The following PTPN3 variants were observed in gnomAD, a reference collection of about 807,000 sequenced individuals.
PTPN3 encodes the protein tyrosine-protein phosphatase non-receptor type 3.
A neutral mutation model predicts 132.7 loss-of-function variants in PTPN3; 96 were observed. That is an observed-to-expected ratio of 0.72 (90% CI 0.61 to 0.86). The LOEUF is 0.86. Ranked by LOEUF, PTPN3 falls within the 40% of genes least tolerant of loss-of-function variation. The pLI is 0.00. For synonymous variants in PTPN3, 398 were observed against 429.0 expected, an observed-to-expected ratio of 0.93 and a Z score of 0.89; for missense variants, 1,125 against 1,159.6, an observed-to-expected ratio of 0.97 and a Z score of 0.43.
At chr9:109,497,683 G>A (rs1208852669) in intron 1 of PTPN3, among the ~76,000 whole-genome samples, 3 of 152,152 alleles carry the variant, frequency 2.0e-5, no homozygotes, top group Non-Finnish European at 4.4e-5. Context: ...ATTCCATATC[G>A]TCCGCGGAAC....
At position 109,383,306 on chromosome 9, in the gene PTPN3, C is replaced by T. The variant is rs1839272302; in HGVS notation, c.2382+117G>A. The T allele has an allele frequency of 7.7e-6, 12 of 1,564,026 alleles. No homozygotes were observed. The East Asian group carries it at 2.2e-4, about 29-fold the overall frequency. On this transcript the variant is annotated intron_variant, in intron 23 of 25. Transcript: ENST00000374541. ...TTTGATGGGCAGTCTTGCGCACTTA[C>T]TGACACGCTTGCCAGGTGCAAACAG...
At chr9:109,501,610 A>G (rs1847865371), upstream of PTPN3, among the ~76,000 whole-genome samples, 2 of 152,194 alleles carry the variant, frequency 1.3e-5, no homozygotes, top group Non-Finnish European at 2.9e-5. Context: ...TTGATCTTAT[A>G]TCATAAGCTC....
the PTPN3 span, among the ~76,000 whole-genome samples, chr9:109,516,851 G>C: frequency 6.6e-6 from 1 of 152,156 alleles, no homozygotes. Flanking sequence ...CTGAAGAATG[G>C]GAGAGCTCCC....
intron 5 of PTPN3, chr9:109,451,405 G>A: frequency 4.2e-6 from 4 of 957,270 alleles, no homozygotes; most frequent in Non-Finnish European, 5.0e-6. Context: ...AGGTGGGGGT[G>A]GGGTGTCAGT....
chr9:109,512,398 C>G, the PTPN3 span, among the ~76,000 whole-genome samples: 1 of 152,224 alleles, frequency 6.6e-6, no homozygotes, highest in Non-Finnish European at 1.5e-5. Context: ...GCCAAACACA[C>G]TTTTCTCACT....
intron 12 of PTPN3, among the ~76,000 whole-genome samples, chr9:109,425,211 T>C (rs1384541372): frequency 3.3e-5 from 5 of 152,188 alleles, no homozygotes; most frequent in Non-Finnish European, 7.3e-5. Context: ...GCACCACAAA[T>C]AGTATCACTG....
At chr9:109,509,377 G>A in the PTPN3 span, among the ~76,000 whole-genome samples, 28 of 152,074 alleles carry the variant, frequency 1.8e-4, no homozygotes, top group Non-Finnish European at 4.1e-4. Flanking sequence ...TCAATCCTGC[G>A]CAATCTGCAG....
chr9:109,457,794 G>T (rs1047409610), intron 2 of PTPN3, among the ~76,000 whole-genome samples: 4 of 152,150 alleles, frequency 2.6e-5, no homozygotes, highest in African/African-American at 9.7e-5. Flanking sequence ...CACACCTGTG[G>T]CTCCTACTCC....
At chr9:109,534,332 A>G in the PTPN3 span, 5 of 1,517,426 alleles carry the variant, frequency 3.3e-6, no homozygotes, top group Non-Finnish European at 4.4e-6. Context: ...TCGCTGCTCA[A>G]GGTTGTGGTG....
chr9:109,478,857 G>A (rs111626931), intron 1 of PTPN3, among the ~76,000 whole-genome samples: 11 of 152,208 alleles, frequency 7.2e-5, no homozygotes, highest in African/African-American at 2.7e-4. Context: ...CTTCGCCCAT[G>A]AGGTTACCAC....
chr9:109,396,191 C>G (rs527287860), intron 19 of PTPN3, among the ~76,000 whole-genome samples: 1 of 152,150 alleles, frequency 6.6e-6, no homozygotes, highest in African/African-American at 2.4e-5. Context: ...CGACTCTTCT[C>G]CAGGCCCTGT....
rs762043836 is a variant in PTPN3, at chr9:109,391,192, G to A, written c.2052C>T (p.Thr684=). 2.8e-5 allele frequency: 45 copies of A among 1,612,626 alleles called. No individual in the cohort carries two copies. The highest frequency in any genetic ancestry group is 3.4e-5 in the Non-Finnish European group (40 of 1,179,314). ...NRYKDVLPYD[T]TRVLLQGNED... is the part of the protein sequence containing the mutation. ...CATTTCCCTGCAATAATACCCGGGT[G>A]GTGTCATCTGCGGGGAAGAGAAAAA... Residue 684 remains threonine, a synonymous_variant, in exon 21 of 26, where the codon ACC becomes ACT. Transcript: ENST00000374541.
intron 7 of PTPN3, among the ~76,000 whole-genome samples, chr9:109,439,278 C>T (rs1844282185): frequency 6.6e-6 from 1 of 152,004 alleles, no homozygotes; most frequent in South Asian, 2.1e-4. Context: ...TGTCTAAAAA[C>T]AGAATTGAGG....
intron 12 of PTPN3, among the ~76,000 whole-genome samples, chr9:109,425,090 C>T (rs1843145167): frequency 6.6e-6 from 1 of 152,150 alleles, no homozygotes. Context: ...ATTTTCATGG[C>T]TTGCTCAACA....
intron 5 of PTPN3, among the ~76,000 whole-genome samples, chr9:109,451,926 C>G (rs1226326910): frequency 6.6e-6 from 1 of 152,120 alleles, no homozygotes; most frequent in Non-Finnish European, 1.5e-5. Context: ...TGGAACCTCC[C>G]AGTTGGTTGT....
At chr9:109,512,961 C>A in the PTPN3 span, among the ~76,000 whole-genome samples, 1 of 152,202 alleles carries the variant, frequency 6.6e-6, no homozygotes, top group South Asian at 2.1e-4. Context: ...TGGTTCACAT[C>A]TTTGACTAGC....
At chr9:109,424,688 C>G (rs1426533649) in intron 12 of PTPN3, among the ~76,000 whole-genome samples, 4 of 152,236 alleles carry the variant, frequency 2.6e-5, no homozygotes, top group Non-Finnish European at 5.9e-5. Flanking sequence ...GAGAAGTTAT[C>G]TTGGATCCTC....
the PTPN3 span, among the ~76,000 whole-genome samples, chr9:109,507,063 C>T: frequency 1.3e-5 from 2 of 152,346 alleles, no homozygotes; most frequent in East Asian, 1.9e-4. Flanking sequence ...GGTTTCTTAA[C>T]AAGCCAAGGC....
the PTPN3 span, chr9:109,533,768 T>A: frequency 7.5e-7 from 1 of 1,337,838 alleles, no homozygotes; most frequent in Non-Finnish European, 1.0e-6. Context: ...TCACCTGCTG[T>A]AGGGCCGGCG....
Sources: allele counts gnomAD v4.1 joint callset (sites outside exome capture counted in the v4.1 genomes callset), GRCh38; gene constraint gnomAD v4.1.1; transcripts MANE v1.5; gene names NCBI Gene and HGNC (gene_info 2026-07-23, HGNC 2026-07-21).